ANKRD27: variants seen among roughly 807,000 people sequenced by gnomAD.
The protein encoded by ANKRD27 is ankyrin repeat domain-containing protein 27.
A neutral mutation model predicts 129.7 loss-of-function variants in ANKRD27; 112 were observed. The observed-to-expected ratio is 0.86, with a 90% CI of 0.74 to 1.01. The LOEUF is 1.01. Among genes scored for constraint, ANKRD27 ranks in the 50% least tolerant of loss-of-function variants. The pLI, the probability that ANKRD27 is intolerant of heterozygous loss-of-function variation, is 0.00. For missense variants in ANKRD27, 1,258 were observed against 1,300.5 expected, an observed-to-expected ratio of 0.97 and a Z score of 0.50; for synonymous variants, 516 against 511.2, an observed-to-expected ratio of 1.01 and a Z score of -0.13.
At chr19:32,621,158 A>T (rs1972004867) in intron 18 of ANKRD27, among the ~76,000 whole-genome samples, 1 of 77,614 alleles carries the variant, frequency 1.3e-5, no homozygotes, top group African/African-American at 6.7e-5. Context: ...AAGAGCTGGA[A>T]ATTATAAAAG....
In ANKRD27 at chr19:32,607,842, G is replaced by T. The variant is rs373434433; in HGVS notation, c.2176-10C>A. On this transcript the variant is annotated splice_polypyrimidine_tract_variant and intron_variant, in intron 22 of 28. Transcript: ENST00000306065. ...GAACCTTCGCCAGCCTCTGGGAAGC[G>T]CAGAAGATGGAAACACAAACGTCAT... 1 of 1,596,390 alleles carries T rather than the reference G, an allele frequency of 6.3e-7. No homozygotes were observed.
intron 15 of ANKRD27, among the ~76,000 whole-genome samples, chr19:32,627,235 T>C (rs974208129): frequency 1.2e-4 from 19 of 152,086 alleles, no homozygotes; most frequent in African/African-American, 4.1e-4. Flanking sequence ...ACACACTTTA[T>C]GCGTCCACAC....
chr19:32,615,168 G>A (rs1008397421), intron 22 of ANKRD27, among the ~76,000 whole-genome samples: 21 of 152,196 alleles, frequency 1.4e-4, no homozygotes, highest in African/African-American at 3.1e-4. Flanking sequence ...TACCTGCCAC[G>A]CAGGGAGCTG....
chr19:32,627,273 A>G (rs1966900979), intron 15 of ANKRD27, among the ~76,000 whole-genome samples: 1 of 152,076 alleles, frequency 6.6e-6, no homozygotes, highest in African/African-American at 2.4e-5. Flanking sequence ...GACACCCCAG[A>G]CACTCATCAA....
chr19:32,654,138 G>T (rs147612736), intron 2 of ANKRD27, among the ~76,000 whole-genome samples: 1 of 152,122 alleles, frequency 6.6e-6, no homozygotes, highest in East Asian at 1.9e-4. Flanking sequence ...CTGACCTAGT[G>T]ATCCGCCTGC....
In ANKRD27 at chr19:32,605,889, G is replaced by C; in HGVS notation, c.2439C>G (p.Pro813=). The change falls in exon 24 of 29, where the codon CCC becomes CCG. Residue 813 remains proline (P), a synonymous_variant. Coordinates refer to ENST00000306065, the MANE Select transcript of ANKRD27 (RefSeq NM_032139.3). ...PNKKDLSGNT[P]LIYACSGGHH... ...GGCCACCGGAGCAGGCGTAAATGAG[G>C]GGCGTGTTTCCACTGAGGTCCTTCT... 3 of 1,614,108 alleles carry C rather than the reference G, an allele frequency of 1.9e-6. No individual in the cohort carries two copies. Among genetic ancestry groups the C allele is most frequent in the Non-Finnish European group, 2.5e-6 (3 of 1,180,000 alleles).
At chr19:32,631,345 CAA>C in intron 13 of ANKRD27, 55 bp downstream of exon 13, 1 of 1,486,830 alleles carries the variant, frequency 6.7e-7, no homozygotes, top group Non-Finnish European at 9.4e-7. Context: ...ATAGAGGCAC[CAA>C]GAGATGCAGT....
intron 15 of ANKRD27, among the ~76,000 whole-genome samples, chr19:32,627,059 A>G (rs1015618872): frequency 6.6e-6 from 1 of 152,170 alleles, no homozygotes; most frequent in Non-Finnish European, 1.5e-5. Flanking sequence ...TCTCAGCAAT[A>G]AACAATAATG....
chr19:32,654,773 TTTTG>T (rs558681299), intron 2 of ANKRD27, among the ~76,000 whole-genome samples: 230 of 151,992 alleles, frequency 1.5e-3, no homozygotes, highest in African/African-American at 2.1e-3. Context: ...TTTTTGTTTG[TTTTG>T]TTTGTTTGTT....
chr19:32,609,549 G>A (rs956272254), intron 22 of ANKRD27, among the ~76,000 whole-genome samples: 5 of 151,956 alleles, frequency 3.3e-5, no homozygotes, highest in Admixed American at 2.0e-4. Context: ...AGGCAGACAT[G>A]AAAAGGGACA....
intron 1 of ANKRD27, among the ~76,000 whole-genome samples, chr19:32,668,475 C>CT (rs71176144): frequency 0.095 from 13,466 of 141,588 alleles, 834 homozygotes; most frequent in East Asian, 0.25. Context: ...TTATCTTCAT[C>CT]TTTTTTTTTT....
At chr19:32,619,405 G>A (rs749430519) in intron 19 of ANKRD27, 26 bp from the exon 20 acceptor site, 4 of 1,613,790 alleles carry the variant, frequency 2.5e-6, no homozygotes, top group Non-Finnish European at 3.4e-6. Flanking sequence ...CCCAACGAGA[G>A]AGAGGACAGG....
In ANKRD27 at chr19:32,598,133, T is replaced by C. The variant is rs775248678; in HGVS notation, c.*12A>G. 6.2e-7 allele frequency: 1 copy of C among 1,611,726 alleles called. No homozygotes were observed. The highest frequency in any genetic ancestry group is 2.2e-5 in the East Asian group (1 of 44,798). ...GCTTCCTAGCAGTGGGTTCAACAAC[T>C]CCTCATTCCTGTTAGGACCGGGAAG... On this transcript the variant is annotated 3_prime_UTR_variant, in exon 29 of 29. Transcript: ENST00000306065.
rs927875745 is a variant in ANKRD27 at position 32,607,975 on chromosome 19, G to A, written c.2176-143C>T. 4 of 845,024 alleles carry A rather than the reference G, an allele frequency of 4.7e-6. No homozygotes were observed. In the African/African-American group the frequency reaches 7.0e-5, roughly 15 times the overall value. 52.3% of individuals were successfully genotyped at this position (845,024 alleles called of 1,614,324 possible). Reference sequence around the variant, plus strand: ...TCCAGGATGGATTCCAATTTGTTTAGAAGTATGTGGCATGCCAAAAAACAA... The same window carrying A: ...TCCAGGATGGATTCCAATTTGTTTAAAAGTATGTGGCATGCCAAAAAACAA... On this transcript the variant is annotated intron_variant, in intron 22 of 28. Transcript: ENST00000306065.
At chr19:32,659,084 C>T (rs1158240262) in intron 1 of ANKRD27, 39 bp from the exon 2 acceptor site, 4 of 1,021,438 alleles carry the variant, frequency 3.9e-6, no homozygotes, top group Admixed American at 3.5e-5. Context: ...TAGCCATTTT[C>T]GAGTTTACGT....
chr19:32,663,839 G>A (rs187709617), intron 1 of ANKRD27, among the ~76,000 whole-genome samples: 5,651 of 151,666 alleles, frequency 0.037, 118 homozygotes, highest in Middle Eastern at 0.072. Flanking sequence ...GGCGGATCAC[G>A]AGGTCAGGAG....
At chr19:32,604,945 G>A (rs1209621069) in intron 24 of ANKRD27, among the ~76,000 whole-genome samples, 4 of 152,036 alleles carry the variant, frequency 2.6e-5, no homozygotes, top group African/African-American at 7.2e-5. Flanking sequence ...GGTGGTGGGC[G>A]CCTGTAGTTC....
At chr19:32,670,943 A>G (rs1230951605) in intron 1 of ANKRD27, among the ~76,000 whole-genome samples, 1 of 152,080 alleles carries the variant, frequency 6.6e-6, no homozygotes, top group Non-Finnish European at 1.5e-5. Flanking sequence ...CCAAGATCAC[A>G]CCATTGCACT....
chr19:32,651,897 T>C (rs1967424082), intron 2 of ANKRD27, among the ~76,000 whole-genome samples: 1 of 152,100 alleles, frequency 6.6e-6, no homozygotes. Flanking sequence ...CCCCAACTAG[T>C]TTTCTGGCAG....
Sources: gnomAD v4.1 joint callset for allele counts (sites outside exome capture counted in the v4.1 genomes callset) on GRCh38, gnomAD v4.1.1 for gene constraint, MANE v1.5 for transcripts, NCBI Gene and HGNC (gene_info 2026-07-23, HGNC 2026-07-21) for gene names.